NPAS3: variants seen among roughly 807,000 people sequenced by gnomAD.
NPAS3 encodes neuronal PAS domain-containing protein 3.
NPAS3 carries 14 observed loss-of-function variants against 73.1 expected under a neutral mutation model. The observed-to-expected ratio is 0.19, with a 90% confidence interval of 0.13 to 0.30. The LOEUF (loss-of-function observed/expected upper bound fraction) is 0.30. Ranked by LOEUF, NPAS3 falls within the 10% of genes least tolerant of loss-of-function variation. NPAS3 has a pLI of 1.00. For missense variants in NPAS3, 1,096 were observed against 1,250.0 expected (o/e 0.88, Z 1.86); for synonymous variants, 620 against 541.5 (o/e 1.14, Z -2.01).
At chr14:33,797,842 C>CTG (rs935700645) in intron 11 of NPAS3, among the ~76,000 whole-genome samples, 1 of 148,336 alleles carries the variant, frequency 6.7e-6, no homozygotes, top group Non-Finnish European at 1.5e-5. Flanking sequence ...ATAAATACAT[C>CTG]TGTGTGTGTG....
At chr14:33,276,757 A>C (rs2041354617) in intron 3 of NPAS3, among the ~76,000 whole-genome samples, 1 of 152,106 alleles carries the variant, frequency 6.6e-6, no homozygotes, top group Non-Finnish European at 1.5e-5. Context: ...TATAAATAGA[A>C]ATTATGATTA....
At chr14:33,542,081 T>C (rs974147366) in intron 4 of NPAS3, among the ~76,000 whole-genome samples, 4 of 152,216 alleles carry the variant, frequency 2.6e-5, no homozygotes, top group African/African-American at 9.6e-5. Context: ...TTAGTATGAA[T>C]GTATATACAT....
intron 3 of NPAS3, among the ~76,000 whole-genome samples, chr14:33,296,267 A>G (rs1231669227): frequency 6.6e-6 from 1 of 152,138 alleles, no homozygotes; most frequent in Non-Finnish European, 1.5e-5. Flanking sequence ...TTGTTACTTC[A>G]TTGTCTCTTT....
chr14:33,202,736 C>T (rs1295749661), intron 2 of NPAS3, among the ~76,000 whole-genome samples: 2 of 150,826 alleles, frequency 1.3e-5, no homozygotes, highest in African/African-American at 2.4e-5. Context: ...TAAACCCACC[C>T]ACATGTATGA....
At chr14:33,106,617 A>T (rs941216196) in intron 2 of NPAS3, among the ~76,000 whole-genome samples, 4 of 152,206 alleles carry the variant, frequency 2.6e-5, no homozygotes, top group African/African-American at 9.6e-5. Context: ...CTGCTCTTAA[A>T]TGAGGAGAAA....
At chr14:32,967,963 T>C (rs1454394528) in intron 1 of NPAS3, among the ~76,000 whole-genome samples, 1 of 152,184 alleles carries the variant, frequency 6.6e-6, no homozygotes, top group Non-Finnish European at 1.5e-5. Flanking sequence ...AAGGACATTA[T>C]ATTATGCAAA....
intron 2 of NPAS3, among the ~76,000 whole-genome samples, chr14:33,182,036 T>A (rs938115762): frequency 2.6e-5 from 4 of 152,200 alleles, no homozygotes; most frequent in Non-Finnish European, 5.9e-5. Context: ...AGTACATTAT[T>A]TAATGACAGG....
chr14:33,081,106 T>C (rs1173198196), intron 2 of NPAS3, among the ~76,000 whole-genome samples: 2 of 152,184 alleles, frequency 1.3e-5, no homozygotes, highest in Admixed American at 1.3e-4. Flanking sequence ...TGCTGTATAG[T>C]ATTTCCCCAT....
chr14:33,759,246 GAGA>G (rs1421519841), intron 7 of NPAS3, among the ~76,000 whole-genome samples: 4 of 152,226 alleles, frequency 2.6e-5, no homozygotes, highest in Admixed American at 1.3e-4. Flanking sequence ...CAGCTATGGG[GAGA>G]AGGTCATTGC....
intron 2 of NPAS3, among the ~76,000 whole-genome samples, chr14:33,197,888 G>A (rs1461467060): frequency 6.6e-6 from 1 of 152,188 alleles, no homozygotes; most frequent in African/African-American, 2.4e-5. Context: ...GGACCCTCGC[G>A]GTGAGTGTTA....
At chr14:33,261,962 A>G (rs537730902) in intron 3 of NPAS3, among the ~76,000 whole-genome samples, 1 of 152,326 alleles carries the variant, frequency 6.6e-6, no homozygotes, top group South Asian at 2.1e-4. Flanking sequence ...AAAGGTAATG[A>G]AGCAGGAGGT....
chr14:33,111,181 C>G (rs895491278), intron 2 of NPAS3, among the ~76,000 whole-genome samples: 1 of 152,202 alleles, frequency 6.6e-6, no homozygotes, highest in Non-Finnish European at 1.5e-5. Flanking sequence ...CTGAGCCAGG[C>G]AGAAAGCCTG....
chr14:33,652,183 TAAAA>T lies in NPAS3; in HGVS notation c.559-24027_559-24024del, dbSNP rs568102186. Among the ~76,000 whole-genome samples, 561 of 152,328 alleles carry T rather than the reference TAAAA, an allele frequency of 3.7e-3. 3 individuals carry two copies. Among genetic ancestry groups the T allele is most frequent in the African/African-American group, 0.013 (527 of 41,574 alleles). On this transcript the variant is annotated intron_variant, in intron 5 of 11. Coordinates refer to ENST00000356141, the Ensembl canonical transcript of NPAS3. ...CTGTGAATATTTGTATGTATTCTCA[TAAAA>T]TTATCTTGGCATCCTTATATTTTGT... is the stretch of plus-strand genomic sequence containing the variant.
chr14:33,547,455 C>T (rs2054901169), intron 4 of NPAS3, among the ~76,000 whole-genome samples: 1 of 152,182 alleles, frequency 6.6e-6, no homozygotes, highest in African/African-American at 2.4e-5. Flanking sequence ...TTATACACCC[C>T]CTGAGTCAGA....
At chr14:33,476,156 T>C (rs1411121629) in intron 4 of NPAS3, among the ~76,000 whole-genome samples, 2 of 152,214 alleles carry the variant, frequency 1.3e-5, no homozygotes, top group Non-Finnish European at 1.5e-5. Context: ...TATCCAAATA[T>C]AGATATGAGC....
chr14:33,538,621 T>C (rs1295342587), intron 4 of NPAS3, among the ~76,000 whole-genome samples: 1 of 152,218 alleles, frequency 6.6e-6, no homozygotes, highest in Non-Finnish European at 1.5e-5. Context: ...TGAGAATTAT[T>C]ATTATTAATA....
intron 3 of NPAS3, among the ~76,000 whole-genome samples, chr14:33,238,778 T>C (rs1296717135): frequency 6.6e-6 from 1 of 151,958 alleles, no homozygotes; most frequent in Non-Finnish European, 1.5e-5. Flanking sequence ...TTAGTTCTTT[T>C]ACCAAGGCAA....
At chr14:33,761,785 G>T (rs937406354) in intron 7 of NPAS3, among the ~76,000 whole-genome samples, 1 of 150,010 alleles carries the variant, frequency 6.7e-6, no homozygotes, top group Non-Finnish European at 1.5e-5. Flanking sequence ...GGAGAATTGA[G>T]TGTCTTGCAC....
At chr14:33,167,240 G>C (rs962276503) in intron 2 of NPAS3, among the ~76,000 whole-genome samples, 1 of 152,140 alleles carries the variant, frequency 6.6e-6, no homozygotes, top group Non-Finnish European at 1.5e-5. Context: ...GAGGGGCCGT[G>C]ATCAGCTTCA....
Sources: allele counts gnomAD v4.1 joint callset (sites outside exome capture counted in the v4.1 genomes callset), GRCh38; gene constraint gnomAD v4.1.1; transcripts MANE v1.5; gene names NCBI Gene and HGNC (gene_info 2026-07-23, HGNC 2026-07-21).